MARCHF1: variants seen among roughly 807,000 people sequenced by gnomAD.
The protein encoded by MARCHF1 is E3 ubiquitin-protein ligase MARCHF1.
Under a neutral mutation model 54.2 loss-of-function variants are expected in MARCHF1, and 40 were observed. The observed-to-expected ratio is 0.74, with a 90% CI of 0.57 to 0.96. The LOEUF (loss-of-function observed/expected upper bound fraction) is 0.96, where lower values mean the gene tolerates loss of function less well. Ranked by LOEUF, MARCHF1 falls within the 40% of genes least tolerant of loss-of-function variation. The pLI is 0.00. For synonymous variants in MARCHF1, 236 were observed against 236.3 expected (o/e 1.00, Z 0.01); for missense variants, 586 against 656.5 (o/e 0.89, Z 1.17).
intron 4 of MARCHF1, among the ~76,000 whole-genome samples, chr4:163,806,415 C>G (rs746664947): frequency 6.6e-6 from 1 of 152,128 alleles, no homozygotes; most frequent in Non-Finnish European, 1.5e-5. Context: ...TTCTTTCCAC[C>G]CAGCTTCTTT....
At chr4:164,093,760 T>C (rs1755352224) in intron 2 of MARCHF1, among the ~76,000 whole-genome samples, 1 of 152,094 alleles carries the variant, frequency 6.6e-6, no homozygotes, top group South Asian at 2.1e-4. Flanking sequence ...TGGGCATCTG[T>C]ATTCCAGAAA....
At chr4:164,038,412 G>T (rs999487472) in intron 2 of MARCHF1, among the ~76,000 whole-genome samples, 25 of 152,216 alleles carry the variant, frequency 1.6e-4, no homozygotes, top group Admixed American at 2.0e-4. Flanking sequence ...AGAATGGTGT[G>T]AACCCGGGAG....
intron 1 of MARCHF1, among the ~76,000 whole-genome samples, chr4:164,186,605 C>G (rs1730977291): frequency 6.6e-6 from 1 of 152,160 alleles, no homozygotes; most frequent in African/African-American, 2.4e-5. Flanking sequence ...TCTCCCACTC[C>G]CAGTTAAAAA....
intron 2 of MARCHF1, among the ~76,000 whole-genome samples, chr4:164,018,079 A>C (rs952416312): frequency 1.3e-5 from 2 of 151,970 alleles, no homozygotes; most frequent in Non-Finnish European, 2.9e-5. Context: ...AAACCAAATG[A>C]TCTGGTAATA....
At chr4:163,957,745 C>A (rs1752258910) in intron 3 of MARCHF1, among the ~76,000 whole-genome samples, 1 of 151,922 alleles carries the variant, frequency 6.6e-6, no homozygotes, top group South Asian at 2.1e-4. Flanking sequence ...CCTTTACACC[C>A]AACTTTCACC....
At chr4:163,706,218 T>C (rs1340717146) in intron 4 of MARCHF1, among the ~76,000 whole-genome samples, 2 of 152,028 alleles carry the variant, frequency 1.3e-5, no homozygotes, top group African/African-American at 2.4e-5. Flanking sequence ...ACATGCTTTT[T>C]TCCTACTGCT....
intron 2 of MARCHF1, among the ~76,000 whole-genome samples, chr4:164,007,642 CTCTCTGTGTGTG>C (rs1753323950): frequency 1.0e-5 from 1 of 96,270 alleles, no homozygotes; most frequent in African/African-American, 4.5e-5. Context: ...CTCTCTCTCT[CTCTCTGTGTGTG>C]TGTGTGTGTG....
chr4:163,577,495 C>T (rs1302835611), intron 8 of MARCHF1, among the ~76,000 whole-genome samples: 2 of 152,000 alleles, frequency 1.3e-5, no homozygotes, highest in Non-Finnish European at 2.9e-5. Flanking sequence ...TGACCTTTTT[C>T]TCTAGCTGCC....
chr4:163,577,565 T>A (rs1409304658), intron 8 of MARCHF1, among the ~76,000 whole-genome samples: 1 of 152,074 alleles, frequency 6.6e-6, no homozygotes, highest in Non-Finnish European at 1.5e-5. Context: ...GCCTCAGTGA[T>A]ATTCATTTTG....
At chr4:164,071,861 C>T (rs1232539251) in intron 2 of MARCHF1, among the ~76,000 whole-genome samples, 1 of 152,116 alleles carries the variant, frequency 6.6e-6, no homozygotes, top group African/African-American at 2.4e-5. Flanking sequence ...TATGAAATAA[C>T]AATTTACACC....
chr4:163,690,804 C>T (rs1033862368), intron 5 of MARCHF1, among the ~76,000 whole-genome samples: 1 of 152,188 alleles, frequency 6.6e-6, no homozygotes, highest in Non-Finnish European at 1.5e-5. Context: ...ACTTGCTAGG[C>T]TCCTATCATA....
intron 2 of MARCHF1, among the ~76,000 whole-genome samples, chr4:164,020,905 T>A (rs114346838): frequency 6.6e-6 from 1 of 152,204 alleles, no homozygotes. Context: ...CACTCCAGCC[T>A]GGGTGATAAA....
intron 1 of MARCHF1, among the ~76,000 whole-genome samples, chr4:164,114,336 T>G (rs1755897047): frequency 6.6e-6 from 1 of 151,930 alleles, no homozygotes; most frequent in African/African-American, 2.4e-5. Context: ...ATTATTTTCT[T>G]ATTGTTTATT....
intron 5 of MARCHF1, among the ~76,000 whole-genome samples, chr4:163,698,519 G>T (rs974229170): frequency 5.7e-4 from 87 of 152,272 alleles, no homozygotes; most frequent in African/African-American, 2.0e-3. Flanking sequence ...TACAATTTAA[G>T]TTATGTTTAA....
chr4:163,651,210 G>A (rs72991569), intron 5 of MARCHF1, among the ~76,000 whole-genome samples: 2,550 of 151,958 alleles, frequency 0.017, 83 homozygotes, highest in African/African-American at 0.056. Context: ...GGAGTTCATT[G>A]TTATGTTTTT....
chr4:164,335,463 T>G lies in MARCHF1; in HGVS notation c.-323+48407A>C, dbSNP rs944904328. On this transcript the variant is annotated intron_variant, in intron 1 of 9. Coordinates refer to ENST00000514618, the MANE Select transcript of MARCHF1 (RefSeq NM_001394959.1). ...TGGGCGTGGTGGCTTGCGCCTATAG[T>G]CCCAGCTACTCAGGAGGCTGAGGCA... Among the ~76,000 whole-genome samples the G allele has an allele frequency of 2.0e-5, 3 of 151,564 alleles. No individual in the cohort carries two copies. The East Asian group carries it at 5.8e-4, about 29-fold the overall frequency.
At chr4:163,978,613 T>G (rs879726666) in intron 3 of MARCHF1, among the ~76,000 whole-genome samples, 1 of 152,196 alleles carries the variant, frequency 6.6e-6, no homozygotes, top group Non-Finnish European at 1.5e-5. Flanking sequence ...CAGTCAGTCT[T>G]CTTCCAGATA....
chr4:164,270,761 A>G (rs1264612611), intron 1 of MARCHF1, among the ~76,000 whole-genome samples: 4 of 152,172 alleles, frequency 2.6e-5, no homozygotes, highest in Admixed American at 1.3e-4. Context: ...GAAGGGATAT[A>G]TTATTTTCAT....
intron 4 of MARCHF1, among the ~76,000 whole-genome samples, chr4:163,782,197 G>A (rs970451532): frequency 6.7e-5 from 5 of 74,876 alleles, no homozygotes; most frequent in Admixed American, 1.7e-4. Flanking sequence ...TTGAAGAGAT[G>A]GGAATTGGAT....
Sources: allele counts gnomAD v4.1 joint callset (sites outside exome capture counted in the v4.1 genomes callset), GRCh38; gene constraint gnomAD v4.1.1; transcripts MANE v1.5; gene names NCBI Gene and HGNC (gene_info 2026-07-23, HGNC 2026-07-21).